The following TYW1B variants were observed in gnomAD, a reference collection of about 807,000 sequenced individuals.
TYW1B encodes S-adenosyl-L-methionine-dependent tRNA 4-demethylwyosine synthase TYW1B.
TYW1B carries 73 observed loss-of-function variants against 86.9 expected under a neutral mutation model. That is an observed-to-expected ratio of 0.84 (90% CI 0.70 to 1.02). TYW1B has a LOEUF of 1.02. Ranked by LOEUF, TYW1B falls within the 50% of genes least tolerant of loss-of-function variation. The probability of loss-of-function intolerance (pLI) is 0.00; values close to 1 mark genes in which losing one functional copy is unlikely to be tolerated. For synonymous variants in TYW1B, 248 were observed against 292.8 expected (o/e 0.85, Z 1.56); for missense variants, 637 against 827.4 (o/e 0.77, Z 2.82).
chr7:72,804,641 C>G (rs1292058415), intron 5 of TYW1B, among the ~76,000 whole-genome samples: 1 of 152,112 alleles, frequency 6.6e-6, no homozygotes, highest in Non-Finnish European at 1.5e-5. Context: ...AGTTTGAGAT[C>G]AGCCTGGGCA....
chr7:72,644,890 C>T (rs563581160), intron 11 of TYW1B, among the ~76,000 whole-genome samples: 3 of 149,144 alleles, frequency 2.0e-5, no homozygotes, highest in African/African-American at 7.4e-5. Context: ...TGCAGTGCCG[C>T]GATCTCGGCT....
At chr7:72,664,541 G>A (rs1813415527) in intron 11 of TYW1B, among the ~76,000 whole-genome samples, 1 of 152,118 alleles carries the variant, frequency 6.6e-6, no homozygotes, top group Admixed American at 6.6e-5. Context: ...ATAAGTGGGA[G>A]CTAAATGATG....
intron 13 of TYW1B, among the ~76,000 whole-genome samples, chr7:72,576,613 C>T (rs1313116880): frequency 1.3e-5 from 2 of 151,508 alleles, no homozygotes; most frequent in Non-Finnish European, 2.9e-5. Context: ...CCTGCGTTCA[C>T]GCCATTCTCC....
chr7:72,780,408 T>G (rs7798868), intron 6 of TYW1B, among the ~76,000 whole-genome samples: 3,289 of 152,296 alleles, frequency 0.022, 54 homozygotes, highest in Non-Finnish European at 0.034. Flanking sequence ...TGAAAAGACA[T>G]GGCAGTATTT....
chr7:72,615,073 T>G (rs1259661802), intron 13 of TYW1B, among the ~76,000 whole-genome samples: 1 of 152,242 alleles, frequency 6.6e-6, no homozygotes, highest in African/African-American at 2.4e-5. Context: ...CCCTGTGGCT[T>G]TCCATTCTTC....
At chr7:72,813,555 C>T in intron 3 of TYW1B, among the ~76,000 whole-genome samples, 1 of 152,176 alleles carries the variant, frequency 6.6e-6, no homozygotes, top group East Asian at 1.9e-4. Flanking sequence ...CAGGCTAAGA[C>T]CTGAGATTCT....
At chr7:72,755,466 A>G (rs1288050513) in intron 7 of TYW1B, among the ~76,000 whole-genome samples, 1 of 152,182 alleles carries the variant, frequency 6.6e-6, no homozygotes, top group African/African-American at 2.4e-5. Flanking sequence ...ATGAGAGTCC[A>G]GGAGTTCAAG....
At chr7:72,632,403 AT>A (rs1380975865) in intron 11 of TYW1B, among the ~76,000 whole-genome samples, 9,552 of 105,844 alleles carry the variant, frequency 0.09, 1,020 homozygotes, top group African/African-American at 0.22. Flanking sequence ...TATATATAAT[AT>A]ATATATACAT....
chr7:72,640,983 A>C (rs555969082), intron 11 of TYW1B, among the ~76,000 whole-genome samples: 1 of 152,168 alleles, frequency 6.6e-6, no homozygotes, highest in Non-Finnish European at 1.5e-5. Flanking sequence ...AGAAACCAAA[A>C]GTCTGTTCTA....
At chr7:72,606,253 C>A (rs537031568) in intron 13 of TYW1B, among the ~76,000 whole-genome samples, 1 of 152,182 alleles carries the variant, frequency 6.6e-6, no homozygotes, top group African/African-American at 2.4e-5. Context: ...AGGAACAGGG[C>A]AGCCTAGGAA....
At chr7:72,639,590 A>G (rs1223563220) in intron 11 of TYW1B, among the ~76,000 whole-genome samples, 1 of 152,190 alleles carries the variant, frequency 6.6e-6, no homozygotes, top group Non-Finnish European at 1.5e-5. Context: ...TTAGCTGGGC[A>G]CAGTGGCTCA....
chr7:72,799,248 G>A (rs1160109873), intron 6 of TYW1B, among the ~76,000 whole-genome samples: 4 of 137,086 alleles, frequency 2.9e-5, no homozygotes, highest in Admixed American at 8.3e-5. Context: ...AACCTCTGCC[G>A]CCAGGGTTCA....
chr7:72,808,354 G>A (rs1284273760), intron 4 of TYW1B, among the ~76,000 whole-genome samples: 2 of 152,112 alleles, frequency 1.3e-5, no homozygotes, highest in Admixed American at 6.6e-5. Context: ...GTAGGCTAAG[G>A]TGGGAGGATC....
chr7:72,641,506 T>G (rs1812798702), intron 11 of TYW1B, among the ~76,000 whole-genome samples: 1 of 152,212 alleles, frequency 6.6e-6, no homozygotes, highest in Non-Finnish European at 1.5e-5. Flanking sequence ...AACATCATAT[T>G]AAAATATTTT....
At chr7:72,771,293 A>C (rs1554469556) in intron 7 of TYW1B, among the ~76,000 whole-genome samples, 3 of 152,084 alleles carry the variant, frequency 2.0e-5, no homozygotes, top group African/African-American at 7.2e-5. Flanking sequence ...GGCAAAACTA[A>C]GTAACAGTAA....
chr7:72,629,614 A>G (rs148607726), intron 11 of TYW1B, among the ~76,000 whole-genome samples: 1 of 151,268 alleles, frequency 6.6e-6, no homozygotes, highest in Non-Finnish European at 1.5e-5. Flanking sequence ...TGGTGCAATC[A>G]TAACTCACCA....
Position 72,693,730 on chromosome 7 carries a change from G to C in TYW1B, c.1506+957C>G, listed in dbSNP as rs531035571. 3.3e-5 allele frequency among the ~76,000 whole-genome samples: 5 copies of C among 151,930 alleles called. No individual in the cohort carries two copies. In the East Asian group the frequency reaches 9.7e-4, roughly 29 times the overall value. On this transcript the variant is annotated intron_variant, in intron 11 of 13. Coordinates refer to ENST00000620995, the MANE Select transcript of TYW1B (RefSeq NM_001145440.3). ...TCTTTTAAGGTGGTTACGTACAGTC[G>C]GTCCTTCATATCTGTGGGCTCCATT...
chr7:72,664,436 G>C (rs1554444941), intron 11 of TYW1B, among the ~76,000 whole-genome samples: 1 of 151,962 alleles, frequency 6.6e-6, no homozygotes, highest in Admixed American at 6.6e-5. Flanking sequence ...GTACCTTGCA[G>C]ACATAAAAAA....
chr7:72,676,435 T>C (rs1554447419), intron 11 of TYW1B, among the ~76,000 whole-genome samples: 1 of 152,186 alleles, frequency 6.6e-6, no homozygotes, highest in African/African-American at 2.4e-5. Flanking sequence ...CTGTACACTA[T>C]ATTTAGTTCA....
Sources: gnomAD v4.1 joint callset for allele counts (sites outside exome capture counted in the v4.1 genomes callset) on GRCh38, gnomAD v4.1.1 for gene constraint, MANE v1.5 for transcripts, NCBI Gene and HGNC (gene_info 2026-07-23, HGNC 2026-07-21) for gene names.